SCFD1: variants seen among roughly 807,000 people sequenced by gnomAD.
SCFD1 encodes sec1 family domain-containing protein 1.
SCFD1 carries 37 observed loss-of-function variants against 103.2 expected under a neutral mutation model. The observed-to-expected ratio is 0.36, with a 90% CI of 0.28 to 0.47. SCFD1 has a LOEUF of 0.47. Ranked by LOEUF, SCFD1 falls within the 20% of genes least tolerant of loss-of-function variation. SCFD1 has a pLI of 1.00. For missense variants in SCFD1, 639 were observed against 761.2 expected (o/e 0.84, Z 1.89); for synonymous variants, 264 against 245.0 (o/e 1.08, Z -0.73).
rs192765087 is a variant in SCFD1, at chr14:30,642,372, G to T, written c.524-944G>T. On this transcript the variant is annotated intron_variant, in intron 6 of 24. Coordinates refer to ENST00000458591, the MANE Select transcript of SCFD1 (RefSeq NM_016106.4). ...CCCAGAGTGCTGGGATTACAGGTGT[G>T]AGCTACCACACCCAGCCTCAAAATT... 5.3e-5 allele frequency among the ~76,000 whole-genome samples: 8 copies of T among 152,262 alleles called. No homozygotes were observed. In the East Asian group the frequency reaches 1.5e-3, roughly 29 times the overall value.
chr14:30,680,055 C>A (rs960107648), intron 14 of SCFD1, among the ~76,000 whole-genome samples: 2 of 152,072 alleles, frequency 1.3e-5, no homozygotes, highest in Non-Finnish European at 2.9e-5. Context: ...AGTGGAATAT[C>A]CTTCAACTCC....
intron 14 of SCFD1, chr14:30,683,159 G>C (rs1473035638): frequency 1.5e-5 from 17 of 1,107,826 alleles, no homozygotes; most frequent in Non-Finnish European, 2.2e-5. Context: ...TATCAATGTT[G>C]GGTTCTCCTA....
intron 5 of SCFD1, among the ~76,000 whole-genome samples, chr14:30,639,229 C>T (rs1460119091): frequency 6.6e-6 from 1 of 152,058 alleles, no homozygotes; most frequent in East Asian, 1.9e-4. Flanking sequence ...TCAAACAGTC[C>T]TCCCACCTCA....
chr14:30,636,760 A>G (rs183234279), intron 4 of SCFD1, among the ~76,000 whole-genome samples: 1 of 152,100 alleles, frequency 6.6e-6, no homozygotes, highest in East Asian at 1.9e-4. Flanking sequence ...CTTTTGTTAA[A>G]TTTATTCTTT....
chr14:30,718,056 T>G (rs1186548558), intron 20 of SCFD1, among the ~76,000 whole-genome samples: 1 of 152,150 alleles, frequency 6.6e-6, no homozygotes, highest in Non-Finnish European at 1.5e-5. Flanking sequence ...AACTGAAGAT[T>G]TTAACTAAAG....
At chr14:30,726,573 C>T (rs1893060197) in intron 23 of SCFD1, among the ~76,000 whole-genome samples, 1 of 152,180 alleles carries the variant, frequency 6.6e-6, no homozygotes, top group African/African-American at 2.4e-5. Context: ...GACTGAGGCA[C>T]CATAAGTTTC....
chr14:30,631,144 G>A (rs1884075407), intron 3 of SCFD1, among the ~76,000 whole-genome samples: 1 of 152,102 alleles, frequency 6.6e-6, no homozygotes, highest in Non-Finnish European at 1.5e-5. Context: ...ACAAGGTCAG[G>A]AGTTCGAGAC....
At chr14:30,725,416 T>A (rs7147530) in intron 23 of SCFD1, among the ~76,000 whole-genome samples, 75,159 of 151,926 alleles carry the variant, frequency 0.49, 21,534 homozygotes, top group African/African-American at 0.79. Flanking sequence ...AGTTAGCTGT[T>A]TTCTTGGGTA....
intron 10 of SCFD1, among the ~76,000 whole-genome samples, chr14:30,662,639 G>A (rs974699109): frequency 1.1e-4 from 16 of 152,254 alleles, no homozygotes; most frequent in East Asian, 3.9e-4. Context: ...TGCTGTAATA[G>A]CATTTAGAGT....
intron 22 of SCFD1, among the ~76,000 whole-genome samples, chr14:30,722,189 G>A (rs748451858): frequency 3.9e-5 from 6 of 152,078 alleles, no homozygotes; most frequent in Non-Finnish European, 8.8e-5. Flanking sequence ...CCAAACATTT[G>A]TGAAGATACT....
In SCFD1 at chr14:30,640,735, C is replaced by G. The variant is rs149239523; in HGVS notation, c.523+871C>G. Among the ~76,000 whole-genome samples, 33 of 151,960 alleles carry G rather than the reference C, an allele frequency of 2.2e-4. No individual in the cohort carries two copies. The East Asian group carries it at 6.2e-3, about 28-fold the overall frequency. Reference sequence around the variant, plus strand: ...TACCAGACCAGACAAGTTTATAATTCTAACAAGCAAAATCTGCCCAAGTGT... The same window carrying G: ...TACCAGACCAGACAAGTTTATAATTGTAACAAGCAAAATCTGCCCAAGTGT... On this transcript the variant is annotated intron_variant, in intron 6 of 24. Coordinates refer to ENST00000458591, the MANE Select transcript of SCFD1 (RefSeq NM_016106.4).
In SCFD1 at chr14:30,673,919, A is replaced by G. The variant is rs1266999051; in HGVS notation, c.1087-5A>G. 1 of 1,610,744 alleles carries G rather than the reference A, an allele frequency of 6.2e-7. No individual in the cohort carries two copies. Among genetic ancestry groups the G allele is most frequent in the East Asian group, 2.2e-5 (1 of 44,792 alleles). ...GTAGCTATTGAGACCTTTTTTCTTTACAAGGGACTAGAAGGGGAAGATGAA... is the reference window on the plus strand; with the variant it reads ...GTAGCTATTGAGACCTTTTTTCTTTGCAAGGGACTAGAAGGGGAAGATGAA... On this transcript the variant is annotated splice_polypyrimidine_tract_variant and splice_region_variant and intron_variant, in intron 12 of 24. Transcript: ENST00000458591.
In SCFD1 at chr14:30,735,844, A is replaced by G. The variant is rs528455019; in HGVS notation, c.*235A>G. The G allele has an allele frequency of 5.8e-5, 23 of 397,882 alleles. No homozygotes were observed. Among genetic ancestry groups the G allele is most frequent in the African/African-American group, 4.6e-4 (22 of 47,728 alleles). The allele number at this position is 397,882 out of a possible 1,614,324, so 24.6% of individuals were successfully genotyped here. A position where few individuals can be genotyped will look rare whatever the true frequency, so the allele number is the denominator to read the frequency against. ...CTCTGATAAATCAGAAAGTACTAATATAATAACTAATAGGTTATGATTGAA... is the reference window on the plus strand; with the variant it reads ...CTCTGATAAATCAGAAAGTACTAATGTAATAACTAATAGGTTATGATTGAA... On this transcript the variant is annotated 3_prime_UTR_variant, in exon 25 of 25. Coordinates refer to ENST00000458591, the MANE Select transcript of SCFD1 (RefSeq NM_016106.4).
At chr14:30,640,397 A>G (rs555497441) in intron 6 of SCFD1, among the ~76,000 whole-genome samples, 7 of 152,318 alleles carry the variant, frequency 4.6e-5, no homozygotes, top group East Asian at 3.9e-4. Context: ...ATTCACAGAA[A>G]TCTATTTACA....
intron 1 of SCFD1, among the ~76,000 whole-genome samples, chr14:30,625,417 A>G (rs959024909): frequency 6.6e-6 from 1 of 152,176 alleles, no homozygotes; most frequent in African/African-American, 2.4e-5. Context: ...GGAGCATTTC[A>G]GGTTTCAGAT....
At chr14:30,654,105 G>T (rs1328649588) in intron 10 of SCFD1, 1 of 152,682 alleles carries the variant, frequency 6.5e-6, no homozygotes, top group Non-Finnish European at 1.5e-5. Context: ...GCTAAGTGTT[G>T]TGTTTAGCAT....
intron 19 of SCFD1, among the ~76,000 whole-genome samples, chr14:30,714,373 A>G (rs1255720529): frequency 6.6e-6 from 1 of 151,838 alleles, no homozygotes; most frequent in African/African-American, 2.4e-5. Flanking sequence ...AAAAAAAAAA[A>G]AAAGGTAAAA....
At chr14:30,690,725 A>G (rs1287069505) in intron 14 of SCFD1, among the ~76,000 whole-genome samples, 4 of 150,134 alleles carry the variant, frequency 2.7e-5, no homozygotes, top group African/African-American at 7.5e-5. Context: ...CTCCCTAGTG[A>G]GATGAACCCG....
intron 14 of SCFD1, 81 bp downstream of exon 14, chr14:30,675,146 T>TC: frequency 1.5e-6 from 1 of 656,352 alleles, no homozygotes; most frequent in South Asian, 3.0e-5. Context: ...TTAGTATTCA[T>TC]TATCTTATTG....
Sources: allele counts gnomAD v4.1 joint callset (sites outside exome capture counted in the v4.1 genomes callset), GRCh38; gene constraint gnomAD v4.1.1; transcripts MANE v1.5; gene names NCBI Gene and HGNC (gene_info 2026-07-23, HGNC 2026-07-21).